Variants in CASP2 observed in about 807,000 individuals in gnomAD.
The protein encoded by CASP2 is caspase-2.
A neutral mutation model predicts 54.4 loss-of-function variants in CASP2; 38 were observed. The observed-to-expected ratio is 0.70, with a 90% CI of 0.54 to 0.92. CASP2 has a LOEUF of 0.92. CASP2 is among the 40% of genes least tolerant of loss of function. The pLI is 0.00. For missense variants in CASP2, 512 were observed against 579.6 expected (o/e 0.88, Z 1.20); for synonymous variants, 215 against 216.3 (o/e 0.99, Z 0.05).
chr7:143,290,055 CTTTTTTTTT>C (rs35440867), intron 1 of CASP2, among the ~76,000 whole-genome samples: 7 of 114,522 alleles, frequency 6.1e-5, no homozygotes, highest in East Asian at 2.4e-4. Context: ...TTTTCCCTCC[CTTTTTTTTT>C]TTTTTTTTTT....
chr7:143,300,177 C>T (rs776057327), intron 7 of CASP2, 27 bp from the exon 8 acceptor site: 1 of 1,613,572 alleles, frequency 6.2e-7, no homozygotes, highest in Non-Finnish European at 8.5e-7. Flanking sequence ...TGCTTAACCT[C>T]TCTTCTTCCT....
chr7:143,302,048 T>C (rs1197619139), intron 8 of CASP2: 1 of 152,240 alleles, frequency 6.6e-6, no homozygotes, highest in African/African-American at 2.4e-5. Context: ...GTAGCACTTA[T>C]AAATGTTCAA....
intron 4 of CASP2, 92 bp downstream of exon 4, chr7:143,292,790 C>T: frequency 6.1e-6 from 6 of 985,602 alleles, no homozygotes; most frequent in Non-Finnish European, 9.7e-6. Context: ...GCGGGTGGAT[C>T]ACCTGAGGTC....
chr7:143,293,010 C>T, intron 4 of CASP2: 1 of 586,954 alleles, frequency 1.7e-6, no homozygotes, highest in Non-Finnish European at 3.0e-6. Flanking sequence ...GACTCAGTCT[C>T]AAAAAATAAA....
chr7:143,304,846 G>T, intron 10 of CASP2, 63 bp downstream of exon 10: 1 of 1,607,400 alleles, frequency 6.2e-7, no homozygotes, highest in Admixed American at 1.7e-5. Flanking sequence ...CTCCTCTCTT[G>T]AATGCTCTTT....
rs1251445830 is a variant in CASP2 at position 143,306,127 on chromosome 7, G to C, written c.*1056G>C. On this transcript the variant is annotated 3_prime_UTR_variant, in exon 11 of 11. Coordinates refer to ENST00000310447, the MANE Select transcript of CASP2 (RefSeq NM_032982.4). ...TTCTTTGTTCCTGCTTTCTCTTTCAGTATTAAACTCTCCTTTGATATTATG... is the reference window on the plus strand; with the variant it reads ...TTCTTTGTTCCTGCTTTCTCTTTCACTATTAAACTCTCCTTTGATATTATG... 1 of 151,152 alleles carries C rather than the reference G, an allele frequency of 6.6e-6. No individual in the cohort carries two copies. Among genetic ancestry groups the C allele is most frequent in the Non-Finnish European group, 1.5e-5 (1 of 67,908 alleles). 9.4% of individuals were successfully genotyped at this position (151,152 alleles called of 1,614,324 possible). A position where few individuals can be genotyped will look rare whatever the true frequency, so the allele number is the denominator to read the frequency against.
rs1248273453 is a variant in CASP2, at chr7:143,300,697, T to C, written c.967+403T>C. The C allele has an allele frequency of 3.3e-6, 4 of 1,206,102 alleles. No individual in the cohort carries two copies. In the African/African-American group the frequency reaches 4.7e-5, roughly 14 times the overall value. The allele number at this position is 1,206,102 out of a possible 1,614,324, so 74.7% of individuals were successfully genotyped here. ...ATTTTATCTCCTTTCTTTCACTCTT[T>C]GTTCTTTTCACTTGTTCCATATACT... On this transcript the variant is annotated intron_variant, in intron 8 of 10. Coordinates refer to ENST00000310447, the MANE Select transcript of CASP2 (RefSeq NM_032982.4).
At chr7:143,293,105 C>CTTTTTTTTGTTTTTTTTTT in intron 4 of CASP2, 1 of 610,828 alleles carries the variant, frequency 1.6e-6, no homozygotes, top group Non-Finnish European at 2.8e-6. Flanking sequence ...AACATGAGCC[C>CTTTTTTTTGTTTTTTTTTT]TTTTTTTTGT....
chr7:143,300,810 G>C, intron 8 of CASP2: 1 of 1,160,364 alleles, frequency 8.6e-7, no homozygotes, highest in South Asian at 1.8e-5. Context: ...AACAGAATCC[G>C]TGTTGGCCTT....
intron 6 of CASP2, among the ~76,000 whole-genome samples, chr7:143,295,686 T>A (rs1477632101): frequency 6.6e-6 from 1 of 152,258 alleles, no homozygotes; most frequent in Admixed American, 6.5e-5. Context: ...CTTTCTTAGC[T>A]GCCCTCCTTC....
At position 143,305,496 on chromosome 7, in the gene CASP2, A is replaced by G. The variant is rs1470921441; in HGVS notation, c.*425A>G. The stretch of plus-strand genomic sequence containing the variant: ...ATCTCCTATCTTTTATTTCATTCAT[A>G]TCCTCCGCCCTTTTTGTCCTAGAGT... On this transcript the variant is annotated 3_prime_UTR_variant, in exon 11 of 11. Coordinates refer to ENST00000310447, the MANE Select transcript of CASP2 (RefSeq NM_032982.4). 3.2e-6 allele frequency: 1 copy of G among 310,264 alleles called. No individual in the cohort carries two copies. Among genetic ancestry groups the G allele is most frequent in the Admixed American group, 4.5e-5 (1 of 22,144 alleles). 19.2% of individuals were successfully genotyped at this position (310,264 alleles called of 1,614,324 possible). A position where few individuals can be genotyped will look rare whatever the true frequency, so the allele number is the denominator to read the frequency against.
chr7:143,291,780 C>A (rs1239068218), intron 2 of CASP2, 90 bp downstream of exon 2: 3 of 422,918 alleles, frequency 7.1e-6, no homozygotes, highest in Non-Finnish European at 1.2e-5. Context: ...ATCTTTCTTC[C>A]TTTTTTTTTT....
Position 143,300,675 on chromosome 7 carries a change from T to G in CASP2, c.967+381T>G, listed in dbSNP as rs1801890915. 2.5e-6 allele frequency: 3 copies of G among 1,223,526 alleles called. No individual in the cohort carries two copies. The African/African-American group carries it at 4.7e-5, about 19-fold the overall frequency. 75.8% of individuals were successfully genotyped at this position (1,223,526 alleles called of 1,614,324 possible). ...CTGTCTTTTTCCTGTCCTTCTTATTTTATCTCCTTTCTTTCACTCTTTGTT... is the reference window on the plus strand; with the variant it reads ...CTGTCTTTTTCCTGTCCTTCTTATTGTATCTCCTTTCTTTCACTCTTTGTT... On this transcript the variant is annotated intron_variant, in intron 8 of 10. Coordinates refer to ENST00000310447, the MANE Select transcript of CASP2 (RefSeq NM_032982.4).
chr7:143,291,780 CTTTT>C lies in CASP2; in HGVS notation c.225+107_225+110del, dbSNP rs777186983. ...TGGAAAGGGTGTCGTATCTTTCTTC[CTTTT>C]TTTTTTTTTTTTTTTTGAGACAGAG... On this transcript the variant is annotated intron_variant, in intron 2 of 10. Transcript: ENST00000310447. 1.4e-3 allele frequency: 577 copies of C among 424,528 alleles called. 2 individuals carry two copies. The highest frequency in any genetic ancestry group is 5.7e-3 in the African/African-American group (150 of 26,524). 26.3% of individuals were successfully genotyped at this position (424,528 alleles called of 1,614,324 possible).
intron 4 of CASP2, among the ~76,000 whole-genome samples, chr7:143,293,591 ACT>A (rs1277457128): frequency 1.4e-5 from 2 of 147,984 alleles, no homozygotes; most frequent in Non-Finnish European, 3.0e-5. Flanking sequence ...CTCACTGCAA[ACT>A]CTGCCTCCTG....
intron 6 of CASP2, among the ~76,000 whole-genome samples, chr7:143,296,506 G>A (rs1801755118): frequency 6.6e-6 from 1 of 152,226 alleles, no homozygotes; most frequent in African/African-American, 2.4e-5. Flanking sequence ...ACTTAAGCTG[G>A]CCTTGAAGGA....
Position 143,292,452 on chromosome 7 carries a change from G to C in CASP2, c.378G>C (p.Gln126His), listed in dbSNP as rs1801603563. The C allele has an allele frequency of 1.2e-6, 2 of 1,614,170 alleles. No homozygotes were observed. The highest frequency in any genetic ancestry group is 4.5e-5 in the East Asian group (2 of 44,874). ...DMLLTTLSGL[Q>H]HVLPPLSCDY... is the part of the protein sequence containing the mutation. The stretch of plus-strand genomic sequence containing the variant: ...TGCTCACCACCCTTTCTGGGCTTCA[G>C]CATGTACTCCCACCGGTATGAAGCT... The change falls in exon 3 of 11, where the codon CAG becomes CAC. Residue 126 changes from glutamine to histidine, a missense_variant. Transcript: ENST00000310447.
rs1464525883 is a variant in CASP2, at chr7:143,304,921, A to G, written c.1228-19A>G. 6.2e-7 allele frequency: 1 copy of G among 1,614,140 alleles called. No homozygotes were observed. On this transcript the variant is annotated intron_variant, in intron 10 of 10. Transcript: ENST00000310447. ...GCCCGAGATTCTCAGACTTGGGCCTATTGGTTCTGCCCCTCCAGGTGAACG... is the reference window on the plus strand; with the variant it reads ...GCCCGAGATTCTCAGACTTGGGCCTGTTGGTTCTGCCCCTCCAGGTGAACG...
chr7:143,296,518 A>G (rs1247228321), intron 6 of CASP2, among the ~76,000 whole-genome samples: 1 of 152,244 alleles, frequency 6.6e-6, no homozygotes, highest in African/African-American at 2.4e-5. Flanking sequence ...CTTGAAGGAT[A>G]GAAGTTACTG....
Sources: allele counts gnomAD v4.1 joint callset (sites outside exome capture counted in the v4.1 genomes callset), GRCh38; gene constraint gnomAD v4.1.1; transcripts MANE v1.5; gene names NCBI Gene and HGNC (gene_info 2026-07-23, HGNC 2026-07-21).